Variants in SUPT20H observed in about 807,000 individuals in gnomAD.
SUPT20H encodes SPT20 homolog, SAGA complex component.
A neutral mutation model predicts 122.8 loss-of-function variants in SUPT20H; 82 were observed. The observed-to-expected ratio is 0.67, with a 90% CI of 0.56 to 0.80. The LOEUF is 0.80. Among genes scored for constraint, SUPT20H ranks in the 30% least tolerant of loss-of-function variants. SUPT20H has a pLI of 0.00. For missense variants in SUPT20H, 831 were observed against 921.6 expected (o/e 0.90, Z 1.27); for synonymous variants, 291 against 313.0 (o/e 0.93, Z 0.74).
rs139189183 is a variant in SUPT20H, at chr13:37,042,392, C to T, written c.396+1686G>A. Among the ~76,000 whole-genome samples, 1,072 of 152,130 alleles carry T rather than the reference C, an allele frequency of 7.0e-3. 9 individuals are homozygous for T. The highest frequency in any genetic ancestry group is 8.8e-3 in the Non-Finnish European group (596 of 67,980). Reference sequence around the variant, plus strand: ...ATAGACTAAGTAACATTTTAAAAACCCATGAAACTGGCTGAAATCATTCAG... The same window carrying T: ...ATAGACTAAGTAACATTTTAAAAACTCATGAAACTGGCTGAAATCATTCAG... On this transcript the variant is annotated intron_variant, in intron 7 of 25. Coordinates refer to ENST00000350612, the MANE Select transcript of SUPT20H (RefSeq NM_001014286.3).
chr13:37,012,256 A>G lies in SUPT20H; in HGVS notation c.2034T>C (p.Ser678=). 6.2e-7 allele frequency: 1 copy of G among 1,613,584 alleles called. No individual in the cohort carries two copies. The highest frequency in any genetic ancestry group is 1.3e-5 in the African/African-American group (1 of 75,040). The change falls in exon 24 of 26, where the codon TCT becomes TCC. Residue 678 remains serine (S), a synonymous_variant. Coordinates refer to ENST00000350612, the MANE Select transcript of SUPT20H (RefSeq NM_001014286.3). Reference sequence around the variant, plus strand: ...GGTTAATAACAGCAGCTTGCTGAGCAGATAAGGCCTGTTCTTGACTGGTTG... The same window carrying G: ...GGTTAATAACAGCAGCTTGCTGAGCGGATAAGGCCTGTTCTTGACTGGTTG... ...QGSTSQEQAL[S]AQQAAVINLT... is the part of the protein sequence containing the mutation.
intron 2 of SUPT20H, among the ~76,000 whole-genome samples, chr13:37,048,857 G>C (rs2067038704): frequency 6.6e-6 from 1 of 151,974 alleles, no homozygotes; most frequent in Non-Finnish European, 1.5e-5. Context: ...ATATAGGGGA[G>C]GTTTGGATAT....
At position 37,042,843 on chromosome 13, in the gene SUPT20H, A is replaced by AT. The variant is rs200399820; in HGVS notation, c.396+1234dup. Among the ~76,000 whole-genome samples, 936 of 152,196 alleles carry AT rather than the reference A, an allele frequency of 6.1e-3. 3 individuals are homozygous for AT. The highest frequency in any genetic ancestry group is 0.01 in the Middle Eastern group (3 of 294). On this transcript the variant is annotated intron_variant, in intron 7 of 25. Coordinates refer to ENST00000350612, the MANE Select transcript of SUPT20H (RefSeq NM_001014286.3). ...GAGAAGGATATGAGGTCAAGGGAGGATTTTTTTAAAATTTGAGACATACAG... is the reference window on the plus strand; with the variant it reads ...GAGAAGGATATGAGGTCAAGGGAGGATTTTTTTTAAAATTTGAGACATACAG...
intron 21 of SUPT20H, 88 bp from the exon 22 acceptor site, chr13:37,019,485 AT>A: frequency 1.2e-6 from 1 of 855,120 alleles, no homozygotes; most frequent in Non-Finnish European, 1.8e-6. Flanking sequence ...AAGTACAATA[AT>A]TTTATGTATT....
In SUPT20H at chr13:37,028,265, G is replaced by C. The variant is rs2062669290; in HGVS notation, c.1034C>G (p.Thr345Ser). ...DDYVFECEAG[T>S]QYQKTKLTIL... ...GGTCAGCTTTGTTTTCTGATACTGA[G>C]TACCAGCTTCACATTCAAATACATA... is the stretch of plus-strand genomic sequence containing the variant. The change falls in exon 14 of 26, where the codon ACT (threonine) becomes AGT (serine). Residue 345 changes from threonine to serine, a missense_variant. Physicochemically the swap from Thr to Ser is moderately conservative, Grantham distance 58. Transcript: ENST00000350612. 6.2e-7 allele frequency: 1 copy of C among 1,612,938 alleles called. No homozygotes were observed. The highest frequency in any genetic ancestry group is 2.2e-5 in the East Asian group (1 of 44,790).
chr13:37,050,696 A>G (rs1490314782), intron 2 of SUPT20H, among the ~76,000 whole-genome samples: 2 of 152,212 alleles, frequency 1.3e-5, no homozygotes, highest in African/African-American at 4.8e-5. Context: ...TTCATTCATT[A>G]TCTCCTTCAA....
At chr13:37,014,438 C>T (rs1380706947) in intron 23 of SUPT20H, among the ~76,000 whole-genome samples, 1 of 152,000 alleles carries the variant, frequency 6.6e-6, no homozygotes, top group African/African-American at 2.4e-5. Flanking sequence ...ATTTTTTCAG[C>T]CATATATGGA....
Position 37,047,621 on chromosome 13 carries a change from C to T in SUPT20H, c.99-20G>A. ...GATTTTCTAAAAAAATTTAATGAAACAAATATATAAAATGTTAACAGAGTA... is the reference window on the plus strand; with the variant it reads ...GATTTTCTAAAAAAATTTAATGAAATAAATATATAAAATGTTAACAGAGTA... On this transcript the variant is annotated intron_variant, in intron 4 of 25. Coordinates refer to ENST00000350612, the MANE Select transcript of SUPT20H (RefSeq NM_001014286.3). 1 of 1,353,612 alleles carries T rather than the reference C, an allele frequency of 7.4e-7. No homozygotes were observed. Among genetic ancestry groups the T allele is most frequent in the Non-Finnish European group, 9.9e-7 (1 of 1,010,138 alleles). The allele number at this position is 1,353,612 out of a possible 1,614,324, so 83.9% of individuals were successfully genotyped here. A position where few individuals can be genotyped will look rare whatever the true frequency, so the allele number is the denominator to read the frequency against.
chr13:37,019,019 C>T (rs2061019387), intron 22 of SUPT20H, among the ~76,000 whole-genome samples: 1 of 152,082 alleles, frequency 6.6e-6, no homozygotes, highest in Non-Finnish European at 1.5e-5. Flanking sequence ...ATACATAAAA[C>T]ATCTGTTGGG....
chr13:37,029,965 C>G (rs1234088669), intron 12 of SUPT20H, 129 bp from the exon 13 acceptor site: 6 of 625,274 alleles, frequency 9.6e-6, no homozygotes, highest in Non-Finnish European at 1.3e-5. Flanking sequence ...CGCAAGAATT[C>G]TTAAATTACC....
intron 9 of SUPT20H, among the ~76,000 whole-genome samples, chr13:37,035,610 T>A (rs2064219457): frequency 6.6e-6 from 1 of 151,168 alleles, no homozygotes; most frequent in East Asian, 2.0e-4. Flanking sequence ...AACCTTCACC[T>A]CCTGGGTTCA....
At chr13:37,045,059 A>G (rs1167287990) in intron 6 of SUPT20H, among the ~76,000 whole-genome samples, 188 bp downstream of exon 6, 2 of 152,168 alleles carry the variant, frequency 1.3e-5, no homozygotes, top group African/African-American at 4.8e-5. Context: ...ATTGTAAGAG[A>G]GATAATTTCT....
Position 37,022,977 on chromosome 13 carries a change from CA to C in SUPT20H, c.1592-898del. ...TTATCAATTTTTTAAAAAACAAAAACAAAAAACAAAAACCAAAAAAGTAAAA... is the reference window on the plus strand; with the variant it reads ...TTATCAATTTTTTAAAAAACAAAAACAAAAACAAAAACCAAAAAAGTAAAA... On this transcript the variant is annotated intron_variant, in intron 19 of 25. Transcript: ENST00000350612. The surrounding 1 kb of genome is among the most constrained non-coding windows in gnomAD (Gnocchi z 4.5). 1 of 1,255,486 alleles carries C rather than the reference CA, an allele frequency of 8.0e-7. No homozygotes were observed. The highest frequency in any genetic ancestry group is 1.0e-6 in the Non-Finnish European group (1 of 974,716). 77.8% of individuals were successfully genotyped at this position (1,255,486 alleles called of 1,614,324 possible).
intron 23 of SUPT20H, among the ~76,000 whole-genome samples, chr13:37,015,778 C>G (rs187616400): frequency 6.6e-6 from 1 of 152,076 alleles, no homozygotes; most frequent in South Asian, 2.1e-4. Flanking sequence ...GGAAGATACC[C>G]AAGTATCCAT....
At chr13:37,058,850 T>A (rs1030086377) in intron 1 of SUPT20H, among the ~76,000 whole-genome samples, 1 of 152,196 alleles carries the variant, frequency 6.6e-6, no homozygotes, top group African/African-American at 2.4e-5. Flanking sequence ...GAGACGAATA[T>A]GTATTTCTTA....
chr13:37,022,784 T>C lies in SUPT20H; in HGVS notation c.1592-704A>G. The stretch of plus-strand genomic sequence containing the variant: ...AACAATCATATTTGGCACCTAAATA[T>C]ACATGTTTAATTCCTAACACATCAA... On this transcript the variant is annotated intron_variant, in intron 19 of 25. Transcript: ENST00000350612. This position sits in a 1 kb window ranked among gnomAD's most constrained non-coding sequence, Gnocchi z 4.5. 1 of 1,023,120 alleles carries C rather than the reference T, an allele frequency of 9.8e-7. No homozygotes were observed. The highest frequency in any genetic ancestry group is 1.2e-6 in the Non-Finnish European group (1 of 848,930). 63.4% of individuals were successfully genotyped at this position (1,023,120 alleles called of 1,614,324 possible). A position where few individuals can be genotyped will look rare whatever the true frequency, so the allele number is the denominator to read the frequency against.
At chr13:37,017,892 T>C (rs1176333908) in intron 22 of SUPT20H, among the ~76,000 whole-genome samples, 1 of 152,278 alleles carries the variant, frequency 6.6e-6, no homozygotes, top group East Asian at 1.9e-4. Context: ...TTCTCTTTCA[T>C]TCAAATCTAA....
In SUPT20H at chr13:37,031,800, T is replaced by G; in HGVS notation, c.803A>C (p.Gln268Pro). Reference protein sequence around the residue: ...PPQLRLLDFLQKRKERKAGQH... With the variant: ...PPQLRLLDFLPKRKERKAGQH... ...ACCTGCTTTTCTTTCCTTTCTTTTT[T>G]GTAAGAAATCAAGTAACCTCAGCTG... Residue 268 changes from glutamine (Q) to proline (P), a missense_variant, in exon 11 of 26, where the codon CAA (glutamine) becomes CCA (proline). By Grantham distance (76) the Gln-to-Pro change is moderately conservative. Coordinates refer to ENST00000350612, the MANE Select transcript of SUPT20H (RefSeq NM_001014286.3). 1 of 1,610,038 alleles carries G rather than the reference T, an allele frequency of 6.2e-7. No homozygotes were observed. Among genetic ancestry groups the G allele is most frequent in the Non-Finnish European group, 8.5e-7 (1 of 1,178,666 alleles).
intron 24 of SUPT20H, among the ~76,000 whole-genome samples, chr13:37,011,101 A>G (rs2059552411): frequency 6.6e-6 from 1 of 152,198 alleles, no homozygotes; most frequent in Admixed American, 6.5e-5. Context: ...TACTAACAAT[A>G]AAGGTGGTGA....
Sources: gnomAD v4.1 joint callset for allele counts (sites outside exome capture counted in the v4.1 genomes callset) on GRCh38, gnomAD v4.1.1 for gene constraint, Gnocchi (gnomAD v3.1) non-coding constraint, MANE v1.5 for transcripts, NCBI Gene and HGNC (gene_info 2026-07-23, HGNC 2026-07-21) for gene names.